Variants in DLGAP1 observed in about 807,000 individuals in gnomAD.
The protein encoded by DLGAP1 is DLG associated protein 1, also known as disks large-associated protein 1.
In DLGAP1, 11 loss-of-function variants were observed where a neutral mutation model predicts 90.8. That is an observed-to-expected ratio of 0.12 (90% CI 0.08 to 0.20). The LOEUF (loss-of-function observed/expected upper bound fraction) is 0.20. Ranked by LOEUF, DLGAP1 falls within the 10% of genes least tolerant of loss-of-function variation. The probability of loss-of-function intolerance (pLI) is 1.00; values close to 1 mark genes in which losing one functional copy is unlikely to be tolerated. For missense variants in DLGAP1, 1,050 were observed against 1,333.8 expected, an observed-to-expected ratio of 0.79 and a Z score of 3.31; for synonymous variants, 558 against 540.7, an observed-to-expected ratio of 1.03 and a Z score of -0.44.
At chr18:3,577,479 G>A (rs1404998712) in intron 8 of DLGAP1, among the ~76,000 whole-genome samples, 1 of 152,192 alleles carries the variant, frequency 6.6e-6, no homozygotes, top group African/African-American at 2.4e-5. Flanking sequence ...TAGGATGTCA[G>A]CCAAAGTAGG....
chr18:4,432,320 T>A (rs774736177), intron 1 of DLGAP1, among the ~76,000 whole-genome samples: 2 of 152,174 alleles, frequency 1.3e-5, no homozygotes, highest in Non-Finnish European at 2.9e-5. Flanking sequence ...CTGAAACGTT[T>A]TACTATTAAA....
At chr18:4,368,276 G>A (rs939329435) in intron 1 of DLGAP1, among the ~76,000 whole-genome samples, 1 of 152,168 alleles carries the variant, frequency 6.6e-6, no homozygotes, top group African/African-American at 2.4e-5. Flanking sequence ...TAGATACTGT[G>A]ATGGATAATT....
chr18:3,741,064 C>CCACCACCACCACCACCATCACCAT (rs1568048036), intron 6 of DLGAP1, among the ~76,000 whole-genome samples: 1 of 103,880 alleles, frequency 9.6e-6, no homozygotes, highest in African/African-American at 4.2e-5. Context: ...ACCATCACCA[C>CCACCACCACCACCACCATCACCAT]CACCACCACC....
intron 1 of DLGAP1, among the ~76,000 whole-genome samples, chr18:4,319,714 C>T (rs1206381734): frequency 6.6e-6 from 1 of 152,130 alleles, no homozygotes; most frequent in African/African-American, 2.4e-5. Context: ...GAATGAAAAA[C>T]TAGTAAGAGA....
chr18:3,523,334 A>G (rs912053148), intron 10 of DLGAP1, among the ~76,000 whole-genome samples: 13 of 151,844 alleles, frequency 8.6e-5, no homozygotes, highest in South Asian at 2.1e-4. Flanking sequence ...CCAAGATCAC[A>G]CTACCGCACT....
At chr18:3,965,797 A>G (rs1428057733) in intron 3 of DLGAP1, among the ~76,000 whole-genome samples, 1 of 151,788 alleles carries the variant, frequency 6.6e-6, no homozygotes, top group East Asian at 1.9e-4. Flanking sequence ...AAAATACAAA[A>G]ATTATCCAGG....
intron 1 of DLGAP1, among the ~76,000 whole-genome samples, chr18:4,396,723 T>C (rs907870555): frequency 1.3e-5 from 2 of 152,168 alleles, no homozygotes; most frequent in East Asian, 1.9e-4. Flanking sequence ...AAACCTCCTA[T>C]ATCTTTTTAC....
At chr18:3,897,966 T>G (rs530901059) in intron 3 of DLGAP1, among the ~76,000 whole-genome samples, 5 of 151,612 alleles carry the variant, frequency 3.3e-5, no homozygotes, top group African/African-American at 1.2e-4. Flanking sequence ...GGCTAATTTT[T>G]TGTATTTTTA....
chr18:3,892,114 AAC>A (rs3985698), intron 3 of DLGAP1: 14,013 of 131,818 alleles, frequency 0.11, 651 homozygotes, highest in Non-Finnish European at 0.12. Flanking sequence ...TCACCTCTAA[AAC>A]ACACACACAC....
In DLGAP1 at chr18:3,821,712, G is replaced by A. The variant is rs1282402401; in HGVS notation, c.958-7439C>T. 3.9e-5 allele frequency among the ~76,000 whole-genome samples: 6 copies of A among 152,150 alleles called. No homozygotes were observed. In the East Asian group the frequency reaches 9.6e-4, roughly 24 times the overall value. On this transcript the variant is annotated intron_variant, in intron 4 of 12. Coordinates refer to ENST00000315677, the MANE Select transcript of DLGAP1 (RefSeq NM_004746.4). ...GAGGGAGTGGGTGATTAGAAAACTT[G>A]CAGGACAGCCACACCTTTAAGGGTG...
rs1483220320 is a variant in DLGAP1 at position 4,342,040 on chromosome 18, C to T, written c.-267+112966G>A. The stretch of plus-strand genomic sequence containing the variant: ...TGAACCTGCCACACAAGATCATCTT[C>T]AGAATTTCTGAGCGGATAAAGTCCT... On this transcript the variant is annotated intron_variant, in intron 1 of 12. Coordinates refer to ENST00000315677, the MANE Select transcript of DLGAP1 (RefSeq NM_004746.4). The surrounding 1 kb of genome is among the most constrained non-coding windows in gnomAD (Gnocchi z 5.8). Among the ~76,000 whole-genome samples the T allele has an allele frequency of 6.6e-6, 1 of 152,064 alleles. No individual in the cohort carries two copies. The highest frequency in any genetic ancestry group is 1.5e-5 in the Non-Finnish European group (1 of 68,002).
At chr18:4,190,979 T>C (rs1204459192) in intron 1 of DLGAP1, among the ~76,000 whole-genome samples, 3 of 152,172 alleles carry the variant, frequency 2.0e-5, no homozygotes, top group Non-Finnish European at 4.4e-5. Flanking sequence ...AAGAAACTCA[T>C]GGCTTAAAGG....
chr18:3,958,000 T>C (rs1025681172), intron 3 of DLGAP1, among the ~76,000 whole-genome samples: 4 of 151,914 alleles, frequency 2.6e-5, no homozygotes, highest in Admixed American at 6.6e-5. Flanking sequence ...TTCAAGAAAT[T>C]CTCATGCCTC....
At chr18:3,741,182 C>CCAT (rs2062979611) in intron 6 of DLGAP1, among the ~76,000 whole-genome samples, 2 of 77,518 alleles carry the variant, frequency 2.6e-5, no homozygotes, top group Admixed American at 1.2e-4. Context: ...ATCACCACCA[C>CCAT]CACCACCACC....
chr18:4,013,184 T>C (rs1276003649), intron 2 of DLGAP1, among the ~76,000 whole-genome samples: 1 of 152,210 alleles, frequency 6.6e-6, no homozygotes, highest in Non-Finnish European at 1.5e-5. Context: ...GCTGTTGGGG[T>C]ACCTCAAATC....
intron 2 of DLGAP1, among the ~76,000 whole-genome samples, chr18:4,044,788 C>A (rs2075024801): frequency 6.6e-6 from 1 of 152,016 alleles, no homozygotes; most frequent in Non-Finnish European, 1.5e-5. Context: ...AACAAACAAA[C>A]AAAAACCTAG....
chr18:3,702,896 G>C (rs1033900233), intron 7 of DLGAP1, among the ~76,000 whole-genome samples: 1 of 152,196 alleles, frequency 6.6e-6, no homozygotes, highest in Non-Finnish European at 1.5e-5. Context: ...GGAGAAGAGA[G>C]AGGACAGGGA....
At chr18:3,534,694 C>CTTT (rs570549234) in intron 9 of DLGAP1, 79 bp from the exon 10 acceptor site, 285 of 999,690 alleles carry the variant, frequency 2.9e-4, no homozygotes, top group Non-Finnish European at 3.3e-4. Context: ...TCCTTTCTTT[C>CTTT]TTTTTTTTTT....
chr18:4,053,771 G>C (rs147413817), intron 2 of DLGAP1, among the ~76,000 whole-genome samples: 31 of 152,170 alleles, frequency 2.0e-4, no homozygotes, highest in African/African-American at 7.5e-4. Context: ...AAACTACTCA[G>C]GTAGTTCTTT....
Sources: gnomAD v4.1 joint callset for allele counts (sites outside exome capture counted in the v4.1 genomes callset) on GRCh38, gnomAD v4.1.1 for gene constraint, Gnocchi (gnomAD v3.1) non-coding constraint, MANE v1.5 for transcripts, NCBI Gene and HGNC (gene_info 2026-07-23, HGNC 2026-07-21) for gene names.